CDH18: variants seen among roughly 807,000 people sequenced by gnomAD.
CDH18 encodes cadherin 18, also known as cadherin-18.
In CDH18, 31 loss-of-function variants were observed where a neutral mutation model predicts 67.9. The observed-to-expected ratio is 0.46, with a 90% CI of 0.34 to 0.62. CDH18 has a LOEUF of 0.62. Ranked by LOEUF, CDH18 falls within the 20% of genes least tolerant of loss-of-function variation. The probability of loss-of-function intolerance (pLI) is 0.01; values close to 1 mark genes in which losing one functional copy is unlikely to be tolerated. For missense variants in CDH18, 890 were observed against 975.5 expected, an observed-to-expected ratio of 0.91 and a Z score of 1.17; for synonymous variants, 362 against 347.2, an observed-to-expected ratio of 1.04 and a Z score of -0.48.
chr5:19,919,244 T>A (rs553710379), intron 2 of CDH18, among the ~76,000 whole-genome samples: 1 of 149,754 alleles, frequency 6.7e-6, no homozygotes, highest in African/African-American at 2.6e-5. Context: ...CATCTGGCTG[T>A]TCATTTGTAT....
chr5:19,856,929 AAACTT>A (rs1784354046), intron 2 of CDH18, among the ~76,000 whole-genome samples: 1 of 152,036 alleles, frequency 6.6e-6, no homozygotes, highest in Non-Finnish European at 1.5e-5. Context: ...TCCAAATTAG[AAACTT>A]GAGGCAGGTT....
intron 3 of CDH18, among the ~76,000 whole-genome samples, chr5:19,830,678 G>C (rs1297040266): frequency 6.6e-6 from 1 of 151,956 alleles, no homozygotes; most frequent in Non-Finnish European, 1.5e-5. Context: ...AGCAATCCAG[G>C]TATTGGGTAT....
chr5:19,978,225 G>A lies in CDH18; in HGVS notation c.-257+2835C>T, dbSNP rs370122880. Among the ~76,000 whole-genome samples, 31 of 152,098 alleles carry A rather than the reference G, an allele frequency of 2.0e-4. No individual in the cohort carries two copies. In the South Asian group the frequency reaches 4.2e-3, roughly 20 times the overall value. On this transcript the variant is annotated intron_variant, in intron 2 of 12. Coordinates refer to ENST00000382275, the MANE Select transcript of CDH18 (RefSeq NM_004934.5). ...ATATATAATTACTAGAGATAAGAAC[G>A]TATTCATTAGGGAGGATAAATTATT...
At chr5:20,110,743 T>A (rs1747389115) in intron 2 of CDH18, among the ~76,000 whole-genome samples, 1 of 152,180 alleles carries the variant, frequency 6.6e-6, no homozygotes, top group South Asian at 2.1e-4. Context: ...ATATGACCAA[T>A]TACTTTATAA....
chr5:20,314,441 A>G (rs1268862377), intron 1 of CDH18, among the ~76,000 whole-genome samples: 2 of 152,074 alleles, frequency 1.3e-5, no homozygotes, highest in African/African-American at 4.8e-5. Context: ...TTTCTCCTGC[A>G]TGTACCTTAA....
chr5:20,557,141 T>C (rs1581196595), intron 1 of CDH18, among the ~76,000 whole-genome samples: 2 of 152,224 alleles, frequency 1.3e-5, no homozygotes, highest in East Asian at 3.9e-4. Context: ...ATAAAAAATG[T>C]TAATTATCAA....
At chr5:19,715,944 A>G (rs1466237256) in intron 5 of CDH18, among the ~76,000 whole-genome samples, 1 of 151,392 alleles carries the variant, frequency 6.6e-6, no homozygotes, top group African/African-American at 2.4e-5. Flanking sequence ...CAGCATCCTG[A>G]GTAGCTGGGA....
intron 1 of CDH18, among the ~76,000 whole-genome samples, chr5:20,390,403 G>A (rs4615300): frequency 0.15 from 22,680 of 152,096 alleles, 2,102 homozygotes; most frequent in East Asian, 0.27. Flanking sequence ...ATCATCACTG[G>A]CCATCAAAGA....
At chr5:20,511,642 C>T (rs1261741022) in intron 1 of CDH18, among the ~76,000 whole-genome samples, 1 of 152,122 alleles carries the variant, frequency 6.6e-6, no homozygotes, top group Non-Finnish European at 1.5e-5. Flanking sequence ...CTTTCAGATA[C>T]AATTTTTAAA....
At chr5:19,753,284 A>C (rs1771102539) in intron 3 of CDH18, among the ~76,000 whole-genome samples, 1 of 152,226 alleles carries the variant, frequency 6.6e-6, no homozygotes, top group South Asian at 2.1e-4. Flanking sequence ...TAACAATAAA[A>C]AAAGATGCAA....
chr5:19,791,673 T>A (rs979152743), intron 3 of CDH18, among the ~76,000 whole-genome samples: 1 of 152,112 alleles, frequency 6.6e-6, no homozygotes. Context: ...AAAAACACAG[T>A]TCCAGTCCCA....
chr5:19,588,193 T>G (rs1744506352), intron 7 of CDH18, among the ~76,000 whole-genome samples: 1 of 152,070 alleles, frequency 6.6e-6, no homozygotes, highest in African/African-American at 2.4e-5. Flanking sequence ...TGGGCTCAGA[T>G]GAGGAAGTTT....
At chr5:20,273,179 C>T (rs937793854) in intron 1 of CDH18, among the ~76,000 whole-genome samples, 2 of 151,896 alleles carry the variant, frequency 1.3e-5, no homozygotes, top group African/African-American at 4.8e-5. Flanking sequence ...CAAAATAAAG[C>T]TCAATGCATT....
intron 3 of CDH18, among the ~76,000 whole-genome samples, chr5:19,764,946 C>T (rs190217899): frequency 3.3e-5 from 5 of 152,192 alleles, no homozygotes; most frequent in Non-Finnish European, 1.5e-5. Context: ...AATTACTAGG[C>T]CATTTCATCA....
Position 19,910,880 on chromosome 5 carries a change from T to C in CDH18, c.-257+70180A>G, listed in dbSNP as rs190637093. 1.6e-3 allele frequency among the ~76,000 whole-genome samples: 244 copies of C among 152,128 alleles called. 5 individuals are homozygous for C. Among genetic ancestry groups the C allele is most frequent in the Non-Finnish European group, 5.0e-4 (34 of 67,980 alleles). ...TAAATACTCTAAATTCTGGAAAAGA[T>C]ATATACGTAAGGACATAAAAAGTAG... On this transcript the variant is annotated intron_variant, in intron 2 of 12. Transcript: ENST00000382275.
At chr5:20,559,354 A>T (rs1758079610) in intron 1 of CDH18, among the ~76,000 whole-genome samples, 1 of 152,070 alleles carries the variant, frequency 6.6e-6, no homozygotes, top group Non-Finnish European at 1.5e-5. Flanking sequence ...GTAGTATGGG[A>T]TCACATCATC....
chr5:19,971,554 C>T (rs889392317), intron 2 of CDH18, among the ~76,000 whole-genome samples: 26 of 151,966 alleles, frequency 1.7e-4, no homozygotes, highest in African/African-American at 5.6e-4. Context: ...GTCATTAAAA[C>T]ATACTATGAA....
At chr5:19,877,261 C>T (rs1679732828) in intron 2 of CDH18, among the ~76,000 whole-genome samples, 1 of 151,842 alleles carries the variant, frequency 6.6e-6, no homozygotes, top group Admixed American at 6.6e-5. Context: ...TGGGGAAAAT[C>T]GTTACTTTTA....
chr5:19,565,339 C>T (rs1459175950), intron 8 of CDH18, among the ~76,000 whole-genome samples: 1 of 152,158 alleles, frequency 6.6e-6, no homozygotes, highest in East Asian at 1.9e-4. Flanking sequence ...CCAGGCAGAT[C>T]AACATGGACA....
Sources: allele counts gnomAD v4.1 joint callset (sites outside exome capture counted in the v4.1 genomes callset), GRCh38; gene constraint gnomAD v4.1.1; transcripts MANE v1.5; gene names NCBI Gene and HGNC (gene_info 2026-07-23, HGNC 2026-07-21).